Variants in PCDHA6 observed in about 807,000 individuals in gnomAD.
PCDHA6 encodes the protein protocadherin alpha 6.
Under a neutral mutation model 60.3 loss-of-function variants are expected in PCDHA6, and 55 were observed. The ratio of observed to expected loss-of-function variants is 0.91; its 90% CI spans 0.73 to 1.14. The LOEUF (loss-of-function observed/expected upper bound fraction) is 1.14. Among genes scored for constraint, PCDHA6 ranks in the 50% most tolerant of loss-of-function variants. PCDHA6 has a pLI of 0.00. For missense variants in PCDHA6, 1,327 were observed against 1,256.5 expected, an observed-to-expected ratio of 1.06 and a Z score of -0.85; for synonymous variants, 652 against 557.9, an observed-to-expected ratio of 1.17 and a Z score of -2.38.
intron 1 of PCDHA6, chr5:140,851,996 G>C: frequency 1.0e-6 from 1 of 976,024 alleles, no homozygotes; most frequent in Non-Finnish European, 1.2e-6. Flanking sequence ...CTATTTGTTT[G>C]TTTTCTAATT....
intron 1 of PCDHA6, chr5:140,877,218 G>T: frequency 1.2e-6 from 2 of 1,613,726 alleles, no homozygotes; most frequent in South Asian, 1.1e-5. Context: ...AGTTGGTACC[G>T]CGGTCGGTGG....
intron 1 of PCDHA6, among the ~76,000 whole-genome samples, chr5:140,938,157 G>C (rs532966795): frequency 6.6e-6 from 1 of 152,022 alleles, no homozygotes; most frequent in African/African-American, 2.4e-5. Context: ...CATTGCCCAG[G>C]CTAGTCTGGA....
intron 1 of PCDHA6, chr5:140,877,906 A>C: frequency 7.0e-7 from 1 of 1,435,008 alleles, no homozygotes; most frequent in Non-Finnish European, 9.2e-7. Flanking sequence ...TTATAACTAC[A>C]TTCTCTCATT....
At chr5:140,839,704 A>G (rs1229800703) in intron 1 of PCDHA6, among the ~76,000 whole-genome samples, 4 of 152,070 alleles carry the variant, frequency 2.6e-5, no homozygotes, top group Admixed American at 6.6e-5. Context: ...AAATAATGTG[A>G]TGACAAATTT....
chr5:140,857,558 T>A (rs782138602), intron 1 of PCDHA6: 1 of 1,596,966 alleles, frequency 6.3e-7, no homozygotes, highest in Non-Finnish European at 8.6e-7. Flanking sequence ...GCGCTCGCTG[T>A]CGAGCTACGT....
intron 1 of PCDHA6, among the ~76,000 whole-genome samples, chr5:140,902,711 C>T (rs2153477998): frequency 6.6e-6 from 1 of 151,990 alleles, no homozygotes; most frequent in Middle Eastern, 3.4e-3. Context: ...TCTTTCACTC[C>T]CCTCCCACCC....
At chr5:140,891,285 G>T (rs1402021884) in intron 1 of PCDHA6, among the ~76,000 whole-genome samples, 1 of 152,102 alleles carries the variant, frequency 6.6e-6, no homozygotes, top group South Asian at 2.1e-4. Flanking sequence ...GTTATTGGGG[G>T]TACAGGTGGT....
chr5:140,856,767 T>A, intron 1 of PCDHA6: 1 of 1,596,922 alleles, frequency 6.3e-7, no homozygotes, highest in Non-Finnish European at 8.6e-7. Context: ...AACGCCCCTA[T>A]CTTTGACAGA....
At chr5:140,883,331 T>C (rs782330597) in intron 1 of PCDHA6, 1 of 1,614,064 alleles carries the variant, frequency 6.2e-7, no homozygotes, top group East Asian at 2.2e-5. Flanking sequence ...CATCACTTCT[T>C]TGTCACTCCC....
chr5:140,931,304 G>C (rs1218460625), intron 1 of PCDHA6, among the ~76,000 whole-genome samples: 1 of 152,056 alleles, frequency 6.6e-6, no homozygotes, highest in African/African-American at 2.4e-5. Context: ...CAAAAAGAGA[G>C]GAGAATACCA....
intron 1 of PCDHA6, among the ~76,000 whole-genome samples, chr5:140,963,050 G>A (rs2095732681): frequency 6.6e-6 from 1 of 152,030 alleles, no homozygotes; most frequent in African/African-American, 2.4e-5. Flanking sequence ...AGTCTATAAG[G>A]GTTTCTACAT....
At chr5:140,915,982 G>A (rs1563009608) in intron 1 of PCDHA6, among the ~76,000 whole-genome samples, 3 of 152,230 alleles carry the variant, frequency 2.0e-5, no homozygotes, top group South Asian at 2.1e-4. Flanking sequence ...ATTTGACTAC[G>A]GCTAAGCTGG....
Position 140,830,318 on chromosome 5 carries a change from A to G in PCDHA6, c.2227A>G (p.Ser743Gly). The change falls in exon 1 of 4, where the codon AGC (serine) becomes GGC (glycine). Residue 743 changes from serine (S) to glycine (G), a missense_variant. Transcript: ENST00000529310. ...GGACAAGCCCACGCTGGTGTGCTCCAGCGCAGTGGGGAGCTGGTCGTACTC... is the reference window on the plus strand; with the variant it reads ...GGACAAGCCCACGCTGGTGTGCTCCGGCGCAGTGGGGAGCTGGTCGTACTC... ...TADKPTLVCS[S>G]AVGSWSYSQQ... is the part of the protein sequence containing the mutation. 1 of 1,613,956 alleles carries G rather than the reference A, an allele frequency of 6.2e-7. No individual in the cohort carries two copies. The highest frequency in any genetic ancestry group is 8.5e-7 in the Non-Finnish European group (1 of 1,179,938).
At chr5:140,939,987 C>T (rs2092516961) in intron 1 of PCDHA6, among the ~76,000 whole-genome samples, 1 of 152,060 alleles carries the variant, frequency 6.6e-6, no homozygotes. Flanking sequence ...TGAATTGTTT[C>T]TCCTTGGATT....
intron 1 of PCDHA6, chr5:140,927,385 C>G: frequency 6.2e-7 from 1 of 1,614,098 alleles, no homozygotes; most frequent in East Asian, 2.2e-5. Flanking sequence ...CAGCCTAAGC[C>G]CCAGTCAGCA....
At chr5:140,907,590 C>A (rs924020141) in intron 1 of PCDHA6, among the ~76,000 whole-genome samples, 11 of 152,210 alleles carry the variant, frequency 7.2e-5, no homozygotes, top group Non-Finnish European at 1.6e-4. Flanking sequence ...TGGCTGATCA[C>A]CCTGAGGAAT....
At chr5:140,966,892 C>G (rs782364150) in intron 1 of PCDHA6, 4 of 1,595,414 alleles carry the variant, frequency 2.5e-6, no homozygotes, top group South Asian at 1.1e-5. Flanking sequence ...CTGCGGCCTC[C>G]CAGCTGCGAT....
At chr5:140,938,835 CA>C (rs2092222540) in intron 1 of PCDHA6, among the ~76,000 whole-genome samples, 1 of 152,008 alleles carries the variant, frequency 6.6e-6, no homozygotes, top group African/African-American at 2.4e-5. Flanking sequence ...TGCGTTATAA[CA>C]AACCTGCCCA....
intron 1 of PCDHA6, among the ~76,000 whole-genome samples, chr5:140,914,820 C>T (rs1277610128): frequency 6.6e-6 from 1 of 151,970 alleles, no homozygotes; most frequent in African/African-American, 2.4e-5. Flanking sequence ...TAACAGACTG[C>T]ATAAACAAAA....
Sources: allele counts gnomAD v4.1 joint callset (sites outside exome capture counted in the v4.1 genomes callset), GRCh38; gene constraint gnomAD v4.1.1; transcripts MANE v1.5; gene names NCBI Gene and HGNC (gene_info 2026-07-23, HGNC 2026-07-21).